The following AHI1 variants were observed in gnomAD, a reference collection of about 807,000 sequenced individuals.
AHI1 encodes the protein jouberin.
A neutral mutation model predicts 149.3 loss-of-function variants in AHI1; 123 were observed. That is an observed-to-expected ratio of 0.82 (90% CI 0.71 to 0.96). The LOEUF (loss-of-function observed/expected upper bound fraction) is 0.96, where lower values mean the gene tolerates loss of function less well. Among genes scored for constraint, AHI1 ranks in the 40% least tolerant of loss-of-function variants. The probability of loss-of-function intolerance (pLI) is 0.00; values close to 1 mark genes in which losing one functional copy is unlikely to be tolerated. For synonymous variants in AHI1, 475 were observed against 459.8 expected, an observed-to-expected ratio of 1.03 and a Z score of -0.42; for missense variants, 1,439 against 1,422.7, an observed-to-expected ratio of 1.01 and a Z score of -0.18.
intron 23 of AHI1, among the ~76,000 whole-genome samples, chr6:135,364,921 AAGAGGG>A (rs767567623): frequency 0.012 from 1,842 of 151,122 alleles, 34 homozygotes; most frequent in African/African-American, 0.036. Context: ...GAGGAAGAGG[AAGAGGG>A]AGAGGGAGAG....
At position 135,369,723 on chromosome 6, in the gene AHI1, C is replaced by T. The variant is rs370579248; in HGVS notation, c.3110-11536G>A. Among the ~76,000 whole-genome samples, 12 of 152,154 alleles carry T rather than the reference C, an allele frequency of 7.9e-5. 1 individual carries two copies. The highest frequency in any genetic ancestry group is 1.9e-4 in the East Asian group (1 of 5,178). On this transcript the variant is annotated intron_variant, in intron 23 of 28. Coordinates refer to ENST00000265602, the MANE Select transcript of AHI1 (RefSeq NM_001134831.2). ...TCTGTATAATTTTTATTGTTTTGCC[C>T]TCCAGTTCAGTGGTCCTTTCTTTTA...
chr6:135,338,581 G>A (rs1789784465), intron 24 of AHI1, among the ~76,000 whole-genome samples: 2 of 152,130 alleles, frequency 1.3e-5, no homozygotes. Context: ...CAAGAACACT[G>A]GGATTAACTG....
intron 16 of AHI1, among the ~76,000 whole-genome samples, chr6:135,432,455 C>T (rs901054694): frequency 4.6e-5 from 7 of 152,198 alleles, no homozygotes; most frequent in South Asian, 4.1e-4. Flanking sequence ...AGGGTTCAAG[C>T]GATTCTCCTG....
At chr6:135,301,262 G>A (rs911609197) in intron 26 of AHI1, 19 of 983,612 alleles carry the variant, frequency 1.9e-5, no homozygotes, top group African/African-American at 3.5e-5. Flanking sequence ...GAAAGGATTC[G>A]TTTAACACTC....
chr6:135,408,933 C>T (rs993769686), intron 21 of AHI1, among the ~76,000 whole-genome samples: 4 of 152,054 alleles, frequency 2.6e-5, no homozygotes, highest in African/African-American at 9.7e-5. Flanking sequence ...GCTACACTAC[C>T]TTTAACAAAG....
At chr6:135,368,731 C>T (rs1774578155) in intron 23 of AHI1, among the ~76,000 whole-genome samples, 1 of 151,366 alleles carries the variant, frequency 6.6e-6, no homozygotes, top group Admixed American at 6.6e-5. Context: ...CAAAATGCCA[C>T]TCTCGTTCCC....
intron 21 of AHI1, among the ~76,000 whole-genome samples, chr6:135,405,864 AAAAAAAAAAAG>A (rs1184088817): frequency 4.0e-5 from 6 of 151,204 alleles, no homozygotes; most frequent in Non-Finnish European, 7.4e-5. Context: ...CAACTCAAAA[AAAAAAAAAAAG>A]AAAAAAAAAA....
intron 27 of AHI1, among the ~76,000 whole-genome samples, chr6:135,290,913 A>ACACAC (rs1782272307): frequency 1.4e-5 from 2 of 146,178 alleles, no homozygotes; most frequent in African/African-American, 5.1e-5. Flanking sequence ...AACACACACA[A>ACACAC]ACACACACAC....
chr6:135,409,418 A>T (rs988935942), intron 21 of AHI1, among the ~76,000 whole-genome samples: 1 of 152,118 alleles, frequency 6.6e-6, no homozygotes, highest in Admixed American at 6.5e-5. Context: ...TTTTAAAAAG[A>T]TCTGGATTTT....
intron 7 of AHI1, among the ~76,000 whole-genome samples, chr6:135,464,461 A>C (rs1790423287): frequency 6.6e-6 from 1 of 152,104 alleles, no homozygotes; most frequent in African/African-American, 2.4e-5. Context: ...ACTGATCCCC[A>C]CCTCTTCATA....
At chr6:135,472,926 A>T (rs190473838) in intron 5 of AHI1, among the ~76,000 whole-genome samples, 162 of 152,210 alleles carry the variant, frequency 1.1e-3, no homozygotes, top group Non-Finnish European at 1.8e-3. Flanking sequence ...TTTTATCTAA[A>T]CCTATAGCTA....
chr6:135,305,489 T>C (rs2128358508), intron 26 of AHI1, among the ~76,000 whole-genome samples: 1 of 152,378 alleles, frequency 6.6e-6, no homozygotes. Context: ...TTTACATGTC[T>C]CAAATTGAAG....
chr6:135,299,931 A>C (rs1204699023), intron 27 of AHI1, among the ~76,000 whole-genome samples: 1 of 152,222 alleles, frequency 6.6e-6, no homozygotes, highest in Non-Finnish European at 1.5e-5. Flanking sequence ...AAAATAAATG[A>C]CAAAATAGGT....
At chr6:135,360,668 T>C (rs1793720895) in intron 23 of AHI1, among the ~76,000 whole-genome samples, 1 of 152,248 alleles carries the variant, frequency 6.6e-6, no homozygotes, top group Non-Finnish European at 1.5e-5. Flanking sequence ...AAAAATGCTA[T>C]TGCTTATACT....
chr6:135,408,755 G>T (rs1781166363), intron 21 of AHI1, among the ~76,000 whole-genome samples: 1 of 152,092 alleles, frequency 6.6e-6, no homozygotes. Flanking sequence ...ATGAACAAGG[G>T]TGCACAGCCC....
chr6:135,478,963 G>A (rs1463228255), intron 5 of AHI1, among the ~76,000 whole-genome samples: 1 of 152,260 alleles, frequency 6.6e-6, no homozygotes, highest in Non-Finnish European at 1.5e-5. Flanking sequence ...GAGGGTGAAA[G>A]CCTCAAGTCT....
chr6:135,464,184 C>CA lies in AHI1; in HGVS notation c.750-879dup, dbSNP rs998494289. ...ATTTCCAATATTTTTAGTCATATTTCAAAAAAAAAATGGGTTGAGGAAAGT... is the reference window on the plus strand; with the variant it reads ...ATTTCCAATATTTTTAGTCATATTTCAAAAAAAAAAATGGGTTGAGGAAAGT... On this transcript the variant is annotated intron_variant, in intron 7 of 28. Transcript: ENST00000265602. 4.6e-3 allele frequency among the ~76,000 whole-genome samples: 669 copies of CA among 146,054 alleles called. 5 individuals carry two copies. Among genetic ancestry groups the CA allele is most frequent in the African/African-American group, 0.014 (571 of 39,888 alleles).
At chr6:135,338,839 C>A (rs1057449766) in intron 24 of AHI1, among the ~76,000 whole-genome samples, 3 of 152,126 alleles carry the variant, frequency 2.0e-5, no homozygotes, top group Non-Finnish European at 4.4e-5. Flanking sequence ...GGGTCTGGAG[C>A]ACCTCTAAAA....
intron 23 of AHI1, among the ~76,000 whole-genome samples, chr6:135,378,909 T>C (rs774774588): frequency 6.6e-6 from 1 of 152,156 alleles, no homozygotes; most frequent in Non-Finnish European, 1.5e-5. Flanking sequence ...ATCCACCTCA[T>C]AGTCACCCCT....
Sources: allele counts gnomAD v4.1 joint callset (sites outside exome capture counted in the v4.1 genomes callset), GRCh38; gene constraint gnomAD v4.1.1; transcripts MANE v1.5; gene names NCBI Gene and HGNC (gene_info 2026-07-23, HGNC 2026-07-21).